Variants in RYR2 observed in about 807,000 individuals in gnomAD.
RYR2 encodes cardiac muscle ryanodine receptor-calcium release channel.
RYR2 carries 227 observed loss-of-function variants against 601.1 expected under a neutral mutation model. That is an observed-to-expected ratio of 0.38 (90% confidence interval 0.34 to 0.42). The LOEUF (loss-of-function observed/expected upper bound fraction) is 0.42. Ranked by LOEUF, RYR2 falls within the 10% of genes least tolerant of loss-of-function variation. The probability of loss-of-function intolerance (pLI) is 1.00; values close to 1 mark genes in which losing one functional copy is unlikely to be tolerated. For missense variants in RYR2, 4,646 were observed against 6,156.5 expected (o/e 0.75, Z 8.21); for synonymous variants, 2,223 against 2,175.1 (o/e 1.02, Z -0.61).
At chr1:237,198,420 T>C (rs1680803227) in intron 1 of RYR2, among the ~76,000 whole-genome samples, 1 of 147,546 alleles carries the variant, frequency 6.8e-6, no homozygotes, top group Admixed American at 7.1e-5. Context: ...TTAAGTATGT[T>C]TGAATATAGT....
intron 2 of RYR2, among the ~76,000 whole-genome samples, chr1:237,322,858 T>A (rs1386845757): frequency 2.0e-5 from 3 of 151,340 alleles, no homozygotes; most frequent in Non-Finnish European, 4.4e-5. Context: ...GGTGTTAATT[T>A]TTTTTTAAAA....
chr1:237,830,672 C>T (rs372567863), intron 103 of RYR2, 42 bp downstream of exon 103: 34 of 945,186 alleles, frequency 3.6e-5, no homozygotes, highest in Middle Eastern at 2.2e-4. Context: ...CTCCAGTAGA[C>T]GCCACTGGTC....
chr1:237,751,956 G>C (rs963975442), intron 80 of RYR2, among the ~76,000 whole-genome samples: 4 of 152,108 alleles, frequency 2.6e-5, no homozygotes, highest in African/African-American at 9.7e-5. Context: ...CAAACTTTTA[G>C]AGCTACTAAT....
At chr1:237,717,530 C>CT (rs932615387) in intron 72 of RYR2, among the ~76,000 whole-genome samples, 162 bp downstream of exon 72, 2 of 152,102 alleles carry the variant, frequency 1.3e-5, no homozygotes, top group African/African-American at 4.8e-5. Context: ...AAAGACTGCT[C>CT]TTTTTTTGAG....
intron 96 of RYR2, among the ~76,000 whole-genome samples, chr1:237,796,385 C>G (rs1019242458): frequency 2.0e-5 from 3 of 152,106 alleles, no homozygotes; most frequent in Non-Finnish European, 4.4e-5. Flanking sequence ...CCTAATTTGT[C>G]CTGCAGGGAA....
At chr1:237,113,796 T>C (rs1367364019) in intron 1 of RYR2, among the ~76,000 whole-genome samples, 1 of 152,194 alleles carries the variant, frequency 6.6e-6, no homozygotes, top group Non-Finnish European at 1.5e-5. Context: ...AGAGATGAAC[T>C]TAGATCACAT....
chr1:237,214,709 A>C (rs1324223542), intron 1 of RYR2, among the ~76,000 whole-genome samples: 1 of 152,188 alleles, frequency 6.6e-6, no homozygotes, highest in East Asian at 1.9e-4. Context: ...CCATAACTTT[A>C]GATTTCATTT....
intron 32 of RYR2, 124 bp from the exon 33 acceptor site, chr1:237,593,352 C>T (rs564777054): frequency 1.2e-4 from 106 of 862,176 alleles, no homozygotes; most frequent in Middle Eastern, 6.4e-4. Flanking sequence ...TTCACCCAAA[C>T]GGTTTTAAAC....
intron 104 of RYR2, among the ~76,000 whole-genome samples, chr1:237,832,213 G>GTTT (rs747564786): frequency 8.4e-5 from 12 of 143,574 alleles, no homozygotes; most frequent in Non-Finnish European, 1.7e-4. Context: ...TTTTTTTTGT[G>GTTT]TTTTTTTTTT....
intron 1 of RYR2, among the ~76,000 whole-genome samples, chr1:237,042,805 G>A (rs2148064292): frequency 1.3e-5 from 2 of 152,272 alleles, no homozygotes; most frequent in South Asian, 4.1e-4. Context: ...GATGGAGCGC[G>A]GCTAGCCGGC....
chr1:237,477,261 C>T (rs115395056), intron 17 of RYR2, among the ~76,000 whole-genome samples: 6,026 of 152,054 alleles, frequency 0.04, 341 homozygotes, highest in African/African-American at 0.13. Context: ...CGTAGTGGTG[C>T]GCACCTGTAG....
chr1:237,635,193 C>T (rs1322503143), intron 44 of RYR2, among the ~76,000 whole-genome samples: 1 of 152,106 alleles, frequency 6.6e-6, no homozygotes, highest in East Asian at 1.9e-4. Flanking sequence ...ATTTACATTG[C>T]ACACTATATA....
At chr1:237,396,098 G>T (rs1702832165) in intron 10 of RYR2, among the ~76,000 whole-genome samples, 1 of 152,182 alleles carries the variant, frequency 6.6e-6, no homozygotes, top group Non-Finnish European at 1.5e-5. Flanking sequence ...GTTAAGGATG[G>T]CTGTATAGAG....
intron 11 of RYR2, among the ~76,000 whole-genome samples, chr1:237,422,869 T>C (rs992683762): frequency 1.3e-5 from 2 of 152,222 alleles, no homozygotes; most frequent in African/African-American, 4.8e-5. Flanking sequence ...TTGAGTTACA[T>C]TTAACTTCTT....
chr1:237,094,883 A>G (rs555543649), intron 1 of RYR2, among the ~76,000 whole-genome samples: 2 of 152,204 alleles, frequency 1.3e-5, no homozygotes, highest in South Asian at 2.1e-4. Context: ...GAGCCACCGC[A>G]CCCGGCCTTG....
Position 237,057,465 on chromosome 1 carries a change from G to A in RYR2, c.48+14896G>A, listed in dbSNP as rs530304707. Among the ~76,000 whole-genome samples the A allele has an allele frequency of 3.4e-3, 516 of 152,240 alleles. 4 individuals are homozygous for A. The highest frequency in any genetic ancestry group is 3.4e-3 in the Non-Finnish European group (230 of 68,012). ...CTCCCAAAGTGCTGGGATTATAGGC[G>A]TGAGCCACCGCGCCTGGCCCTGAGG... is the stretch of plus-strand genomic sequence containing the variant. On this transcript the variant is annotated intron_variant, in intron 1 of 104. Coordinates refer to ENST00000366574, the MANE Select transcript of RYR2 (RefSeq NM_001035.3).
chr1:237,760,842 C>T (rs995938916), intron 83 of RYR2, 113 bp from the exon 84 acceptor site: 21 of 479,042 alleles, frequency 4.4e-5, no homozygotes, highest in African/African-American at 8.7e-5. Flanking sequence ...TTTCAGTGTA[C>T]GTTAACATTT....
chr1:237,103,848 C>A (rs184390669), intron 1 of RYR2, among the ~76,000 whole-genome samples: 1 of 152,190 alleles, frequency 6.6e-6, no homozygotes, highest in East Asian at 1.9e-4. Context: ...GGATTACAGG[C>A]GTGAGCCACC....
intron 99 of RYR2, among the ~76,000 whole-genome samples, chr1:237,808,334 T>G (rs893643283): frequency 4.6e-5 from 7 of 152,240 alleles, no homozygotes; most frequent in Non-Finnish European, 1.5e-5. Context: ...TGCATTTTAT[T>G]AGGAATGTAA....
Sources: allele counts gnomAD v4.1 joint callset (sites outside exome capture counted in the v4.1 genomes callset), GRCh38; gene constraint gnomAD v4.1.1; transcripts MANE v1.5; gene names NCBI Gene and HGNC (gene_info 2026-07-23, HGNC 2026-07-21).